Variants in ST6GALNAC1 observed in about 807,000 individuals in gnomAD.
ST6GALNAC1 encodes the protein ST6 N-acetylgalactosaminide alpha-2,6-sialyltransferase 1.
In ST6GALNAC1, 45 loss-of-function variants were observed where a neutral mutation model predicts 56.8. The ratio of observed to expected loss-of-function variants is 0.79; its 90% CI spans 0.62 to 1.02. The LOEUF (loss-of-function observed/expected upper bound fraction) is 1.02, where lower values mean the gene tolerates loss of function less well. Ranked by LOEUF, ST6GALNAC1 falls within the 50% of genes least tolerant of loss-of-function variation. The pLI is 0.00. For missense variants in ST6GALNAC1, 743 were observed against 754.8 expected (o/e 0.98, Z 0.18); for synonymous variants, 295 against 297.8 (o/e 0.99, Z 0.10).
At chr17:76,625,945 G>T (rs1428426836) in intron 7 of ST6GALNAC1, 27 bp from the exon 8 acceptor site, 2 of 1,602,292 alleles carry the variant, frequency 1.2e-6, no homozygotes, top group East Asian at 2.2e-5. Context: ...ACCCCCAACT[G>T]TCAGGAGGCT....
In ST6GALNAC1 at chr17:76,625,470, CATA is replaced by C; in HGVS notation, c.1660_1662del (p.Tyr554del). 3.1e-6 allele frequency: 5 copies of C among 1,614,166 alleles called. No individual in the cohort carries two copies. The highest frequency in any genetic ancestry group is 4.2e-6 in the Non-Finnish European group (5 of 1,180,038). ...AAGATCAGCCGCTTCCATGATGTAT[CATA>C]GTAGTGATCAGAAAAGCGCTCATGG... On this transcript the variant is annotated inframe_deletion, in exon 9 of 9. Coordinates refer to ENST00000156626, the MANE Select transcript of ST6GALNAC1 (RefSeq NM_018414.5).
Position 76,643,522 on chromosome 17 carries a change from T to C in ST6GALNAC1, c.117A>G (p.Gln39=). The part of the protein sequence containing the change: ...FALPSFIKEP[Q]TKPSRHQRTE... ...AAGAATCTTACCTGGAAGGCTTTGT[T>C]TGAGGCTCCTTAATAAAAGAGGGCA... The change falls in exon 1 of 9, where the codon CAA becomes CAG. Residue 39 remains glutamine (Q), a synonymous_variant. Transcript: ENST00000156626. 2 of 1,614,064 alleles carry C rather than the reference T, an allele frequency of 1.2e-6. No individual in the cohort carries two copies.
intron 1 of ST6GALNAC1, among the ~76,000 whole-genome samples, chr17:76,638,370 G>T (rs1484737913): frequency 6.6e-6 from 1 of 151,920 alleles, no homozygotes; most frequent in Non-Finnish European, 1.5e-5. Flanking sequence ...TGAAATCATA[G>T]AATTGTATTT....
rs139434159 is a variant in ST6GALNAC1 at position 76,630,648 on chromosome 17, C to T, written c.132-937G>A. ...TCACCCAAGCTGGAGTGCAGTGGCG[C>T]GATCTTGGCTCACTGCACCCTCCAT... On this transcript the variant is annotated intron_variant, in intron 1 of 8. Coordinates refer to ENST00000156626, the MANE Select transcript of ST6GALNAC1 (RefSeq NM_018414.5). Among the ~76,000 whole-genome samples the T allele has an allele frequency of 9.5e-3, 1,425 of 149,822 alleles. 28 individuals are homozygous for T. Among genetic ancestry groups the T allele is most frequent in the African/African-American group, 0.034 (1,377 of 40,602 alleles).
intron 1 of ST6GALNAC1, 41 bp downstream of exon 1, chr17:76,643,467 A>G: frequency 6.2e-7 from 1 of 1,607,554 alleles, no homozygotes; most frequent in South Asian, 1.1e-5. Context: ...TGTTTCCTCA[A>G]ATGAATGAAA....
intron 1 of ST6GALNAC1, among the ~76,000 whole-genome samples, chr17:76,632,498 G>A (rs1028358138): frequency 6.6e-6 from 1 of 152,098 alleles, no homozygotes; most frequent in Non-Finnish European, 1.5e-5. Flanking sequence ...CTATTCAACC[G>A]CAAATCTACA....
At chr17:76,626,920 T>C in intron 4 of ST6GALNAC1, 131 bp from the exon 5 acceptor site, 1 of 1,473,142 alleles carries the variant, frequency 6.8e-7, no homozygotes, top group Non-Finnish European at 9.3e-7. Flanking sequence ...AGCCCAGGAA[T>C]TCCACCTTCC....
chr17:76,626,884 C>G, intron 4 of ST6GALNAC1, 95 bp from the exon 5 acceptor site: 2 of 1,537,948 alleles, frequency 1.3e-6, no homozygotes, highest in South Asian at 1.2e-5. Context: ...GGGGAGGCAG[C>G]AGTTATGTGC....
rs1046842298 is a variant in ST6GALNAC1 at position 76,629,291 on chromosome 17, G to A, written c.552C>T (p.His184=). The part of the protein sequence containing the change: ...LTASRTVSEK[H]QGKAATTAKT... Reference sequence around the variant, plus strand: ...TGGCTGTGGTTGCCGCTTTGCCCTGGTGCTTCTCTGACACCGTCCTGGAGG... The same window carrying A: ...TGGCTGTGGTTGCCGCTTTGCCCTGATGCTTCTCTGACACCGTCCTGGAGG... The change falls in exon 2 of 9, where the codon CAC becomes CAT. Residue 184 remains histidine, a synonymous_variant. Transcript: ENST00000156626. 5.6e-6 allele frequency: 9 copies of A among 1,612,390 alleles called. No individual in the cohort carries two copies. Among genetic ancestry groups the A allele is most frequent in the Admixed American group, 1.7e-5 (1 of 60,024 alleles).
chr17:76,626,041 C>G lies in ST6GALNAC1; in HGVS notation c.1470G>C (p.Leu490Phe). The G allele has an allele frequency of 6.2e-7, 1 of 1,614,188 alleles. No homozygotes were observed. The highest frequency in any genetic ancestry group is 8.5e-7 in the Non-Finnish European group (1 of 1,180,032). ...TGTATCGGAGAAAGTCTGGGTGCAGCAACAGGTACCTGTCCATGTGCAGGG... is the reference window on the plus strand; with the variant it reads ...TGTATCGGAGAAAGTCTGGGTGCAGGAACAGGTACCTGTCCATGTGCAGGG... ...REALHMDRYL[L>F]LHPDFLRYMK... The change falls in exon 7 of 9, where the codon TTG (leucine) becomes TTC (phenylalanine). Residue 490 changes from leucine to phenylalanine, a missense_variant. Physicochemically the swap from Leu to Phe is conservative, Grantham distance 22. Transcript: ENST00000156626.
At chr17:76,628,884 G>T (rs1031591859) in intron 2 of ST6GALNAC1, 128 bp downstream of exon 2, 1 of 847,694 alleles carries the variant, frequency 1.2e-6, no homozygotes, top group Non-Finnish European at 1.9e-6. Context: ...CTCATAATGA[G>T]CTTGGGGCAG....
intron 8 of ST6GALNAC1, 92 bp from the exon 9 acceptor site, chr17:76,625,619 T>C: frequency 6.9e-7 from 1 of 1,459,130 alleles, no homozygotes; most frequent in Non-Finnish European, 9.4e-7. Context: ...GTGGGGGTTC[T>C]TTTCCCTGGC....
At chr17:76,631,040 A>G (rs368378201) in intron 1 of ST6GALNAC1, among the ~76,000 whole-genome samples, 1 of 150,406 alleles carries the variant, frequency 6.6e-6, no homozygotes, top group East Asian at 2.0e-4. Flanking sequence ...GACTACAGGC[A>G]TGCACCACCA....
Position 76,629,109 on chromosome 17 carries a change from G to A in ST6GALNAC1, c.734C>T (p.Thr245Met), listed in dbSNP as rs74672756. ...GGCCTTCAGTCTTTGGTTTCTCTGC[G>A]TCGTGGGGCTCTGGAAAGGGGCAGG... ...PPPAPFQSPTTQRNQRLKAAN... is the reference protein window; with the variant it reads ...PPPAPFQSPTMQRNQRLKAAN... Residue 245 changes from threonine to methionine, a missense_variant, in exon 2 of 9, where the codon ACG (threonine) becomes ATG (methionine). Transcript: ENST00000156626. The A allele has an allele frequency of 6.3e-5, 101 of 1,608,352 alleles. No individual in the cohort carries two copies. The highest frequency in any genetic ancestry group is 8.0e-5 in the African/African-American group (6 of 74,696).
At chr17:76,622,949 A>G (rs1167583091), downstream of ST6GALNAC1, among the ~76,000 whole-genome samples, 1 of 152,108 alleles carries the variant, frequency 6.6e-6, no homozygotes, top group Non-Finnish European at 1.5e-5. Context: ...ATGCGCCACC[A>G]GGCCTGGCTA....
chr17:76,633,083 C>T (rs572532611), intron 1 of ST6GALNAC1, among the ~76,000 whole-genome samples: 2 of 151,960 alleles, frequency 1.3e-5, no homozygotes, highest in Non-Finnish European at 2.9e-5. Context: ...TTGGCACGCA[C>T]CTGTAATCCC....
In ST6GALNAC1 at chr17:76,629,094, C is replaced by T; in HGVS notation, c.749G>A (p.Arg250Lys). The change falls in exon 2 of 9, where the codon AGA becomes AAA. Residue 250 changes from arginine (R) to lysine (K), a missense_variant. Coordinates refer to ENST00000156626, the MANE Select transcript of ST6GALNAC1 (RefSeq NM_018414.5). The stretch of plus-strand genomic sequence containing the variant: ...AGATTTGAAGTTGGCGGCCTTCAGT[C>T]TTTGGTTTCTCTGCGTCGTGGGGCT... The part of the protein sequence containing the change: ...FQSPTTQRNQ[R>K]LKAANFKSEP... The T allele has an allele frequency of 5.6e-6, 9 of 1,594,578 alleles. No homozygotes were observed. The highest frequency in any genetic ancestry group is 7.7e-6 in the Non-Finnish European group (9 of 1,169,424).
downstream of ST6GALNAC1, among the ~76,000 whole-genome samples, chr17:76,624,058 C>A (rs1423472729): frequency 6.6e-6 from 1 of 152,272 alleles, no homozygotes; most frequent in East Asian, 1.9e-4. Context: ...GCGAGCAGGG[C>A]GCCGAGCTGC....
chr17:76,621,135 C>A (rs896416216), downstream of ST6GALNAC1, among the ~76,000 whole-genome samples: 6 of 151,894 alleles, frequency 4.0e-5, no homozygotes, highest in South Asian at 2.1e-4. Context: ...AAAGTGGAGC[C>A]GTAACCAATC....
Sources: gnomAD v4.1 joint callset for allele counts (sites outside exome capture counted in the v4.1 genomes callset) on GRCh38, gnomAD v4.1.1 for gene constraint, MANE v1.5 for transcripts, NCBI Gene and HGNC (gene_info 2026-07-23, HGNC 2026-07-21) for gene names.